The following AOAH variants were observed in gnomAD, a reference collection of about 807,000 sequenced individuals.
The protein encoded by AOAH is acyloxyacyl hydrolase (neutrophil).
In AOAH, 64 loss-of-function variants were observed where a neutral mutation model predicts 92.2. The observed-to-expected ratio is 0.69, with a 90% CI of 0.57 to 0.86. AOAH has a LOEUF of 0.86. Ranked by LOEUF, AOAH falls within the 40% of genes least tolerant of loss-of-function variation. The pLI is 0.00. For synonymous variants in AOAH, 263 were observed against 254.5 expected, an observed-to-expected ratio of 1.03 and a Z score of -0.32; for missense variants, 656 against 694.6, an observed-to-expected ratio of 0.94 and a Z score of 0.62.
intron 12 of AOAH, among the ~76,000 whole-genome samples, chr7:36,587,186 C>T (rs1340900711): frequency 6.7e-5 from 10 of 148,482 alleles, no homozygotes; most frequent in South Asian, 4.2e-4. Flanking sequence ...ACAGGAGAAT[C>T]GCTTGAACCC....
intron 16 of AOAH, among the ~76,000 whole-genome samples, chr7:36,536,922 C>T (rs1475634073): frequency 2.4e-5 from 3 of 123,000 alleles, no homozygotes; most frequent in African/African-American, 9.0e-5. Context: ...TGCATTCCAG[C>T]CTGGGTGACA....
At chr7:36,659,526 C>T (rs1002259921) in intron 3 of AOAH, among the ~76,000 whole-genome samples, 3 of 152,066 alleles carry the variant, frequency 2.0e-5, no homozygotes, top group African/African-American at 4.8e-5. Flanking sequence ...GCCTCTCACG[C>T]GAGTGCTGGG....
In AOAH at chr7:36,535,024, CTG is replaced by C. The variant is rs10669954; in HGVS notation, c.1307-2682_1307-2681del. Among the ~76,000 whole-genome samples the C allele has an allele frequency of 8.3e-5, 12 of 145,024 alleles. No individual in the cohort carries two copies. In the East Asian group the frequency reaches 1.6e-3, roughly 20 times the overall value. ...TGTGTGTATCTGTGTGTGTCTGTGT[CTG>C]TGTGTGTGTCTGTGTGTGTGTATGT... is the stretch of plus-strand genomic sequence containing the variant. On this transcript the variant is annotated intron_variant, in intron 16 of 20. Transcript: ENST00000617537.
At chr7:36,586,966 G>A (rs1012945770) in intron 12 of AOAH, among the ~76,000 whole-genome samples, 1 of 151,962 alleles carries the variant, frequency 6.6e-6, no homozygotes, top group Non-Finnish European at 1.5e-5. Flanking sequence ...TTTTGGTGAG[G>A]GTATATTAAG....
rs563752062 is a variant in AOAH, at chr7:36,547,902, G to A, written c.1133+710C>T. Among the ~76,000 whole-genome samples, 5 of 152,224 alleles carry A rather than the reference G, an allele frequency of 3.3e-5. No homozygotes were observed. In the South Asian group the frequency reaches 8.3e-4, roughly 25 times the overall value. On this transcript the variant is annotated intron_variant, in intron 15 of 20. Coordinates refer to ENST00000617537, the MANE Select transcript of AOAH (RefSeq NM_001637.4). Reference sequence around the variant, plus strand: ...CCGCAGTTTCTTTGCAAATGCTGTAGGTCTGTGCGTCTAAGCTGTCTCTTC... The same window carrying A: ...CCGCAGTTTCTTTGCAAATGCTGTAAGTCTGTGCGTCTAAGCTGTCTCTTC...
chr7:36,596,141 C>A (rs1023511161), intron 11 of AOAH, among the ~76,000 whole-genome samples: 16 of 151,706 alleles, frequency 1.1e-4, no homozygotes, highest in Admixed American at 8.5e-4. Flanking sequence ...ACATTATAGT[C>A]ATTTACAATG....
Position 36,614,497 on chromosome 7 carries a change from C to T in AOAH, c.846+1883G>A, listed in dbSNP as rs894432472. 3.3e-5 allele frequency among the ~76,000 whole-genome samples: 5 copies of T among 152,170 alleles called. No homozygotes were observed. Among genetic ancestry groups the T allele is most frequent in the East Asian group, 1.9e-4 (1 of 5,178 alleles). ...AGTGGGCCAACTGAGCATGTGTGAG[C>T]GAGGGGACTGGAAACGGGGTCGACT... On this transcript the variant is annotated intron_variant, in intron 11 of 20. Coordinates refer to ENST00000617537, the MANE Select transcript of AOAH (RefSeq NM_001637.4). This position sits in a 1 kb window ranked among gnomAD's most constrained non-coding sequence, Gnocchi z 4.2.
In AOAH at chr7:36,562,479, A is replaced by G. The variant is rs138943724; in HGVS notation, c.1022-13004T>C. On this transcript the variant is annotated intron_variant, in intron 13 of 20. Transcript: ENST00000617537. ...AAAGAGGTTTGACCTTGGAATAGGA[A>G]CATTTTATTTATTTGTCAAGATGGT... is the stretch of plus-strand genomic sequence containing the variant. Among the ~76,000 whole-genome samples, 416 of 152,322 alleles carry G rather than the reference A, an allele frequency of 2.7e-3. 1 individual carries two copies. The highest frequency in any genetic ancestry group is 8.3e-3 in the African/African-American group (346 of 41,574).
intron 9 of AOAH, among the ~76,000 whole-genome samples, chr7:36,619,449 C>T (rs1000006851): frequency 6.6e-6 from 1 of 152,174 alleles, no homozygotes; most frequent in Non-Finnish European, 1.5e-5. Context: ...TATCTGAGGC[C>T]TGGGTGGGAC....
At chr7:36,715,773 T>G (rs1204685561) in intron 1 of AOAH, among the ~76,000 whole-genome samples, 6 of 150,348 alleles carry the variant, frequency 4.0e-5, no homozygotes, top group African/African-American at 1.5e-4. Flanking sequence ...GCTAGCCATA[T>G]GTAGAAAGCT....
At chr7:36,647,448 T>C (rs1459410009) in intron 4 of AOAH, among the ~76,000 whole-genome samples, 1 of 152,248 alleles carries the variant, frequency 6.6e-6, no homozygotes, top group Non-Finnish European at 1.5e-5. Context: ...AGGGAATTAA[T>C]AAGCATGTTC....
chr7:36,684,039 T>A (rs2116749225), intron 2 of AOAH, among the ~76,000 whole-genome samples: 2 of 152,190 alleles, frequency 1.3e-5, no homozygotes, highest in East Asian at 3.9e-4. Context: ...CAATGAACAT[T>A]CCTAAGCATC....
chr7:36,616,778 G>A (rs934035019), intron 10 of AOAH, among the ~76,000 whole-genome samples: 7 of 152,128 alleles, frequency 4.6e-5, no homozygotes, highest in African/African-American at 7.2e-5. Context: ...TCTGAAATCC[G>A]AAATATACCC....
Position 36,594,371 on chromosome 7 carries a change from A to G in AOAH, c.906T>C (p.Ser302=), listed in dbSNP as rs1293432126. The G allele has an allele frequency of 1.2e-6, 2 of 1,613,984 alleles. No individual in the cohort carries two copies. Among genetic ancestry groups the G allele is most frequent in the Non-Finnish European group, 1.7e-6 (2 of 1,179,920 alleles). Residue 302 remains serine, a synonymous_variant, in exon 12 of 21, where the codon TCT becomes TCC. Coordinates refer to ENST00000617537, the MANE Select transcript of AOAH (RefSeq NM_001637.4). ...LTNELDWPQL[S]GATGFLDSTV... Reference sequence around the variant, plus strand: ...TGGAGTCCAGAAATCCTGTAGCACCAGAGAGTTGGGGCCAGTCAAGCTCGT... The same window carrying G: ...TGGAGTCCAGAAATCCTGTAGCACCGGAGAGTTGGGGCCAGTCAAGCTCGT...
intron 11 of AOAH, among the ~76,000 whole-genome samples, chr7:36,597,020 C>T (rs1442449951): frequency 6.6e-6 from 1 of 152,178 alleles, no homozygotes; most frequent in Non-Finnish European, 1.5e-5. Flanking sequence ...CCTCCTTCTT[C>T]AATTGCCTCC....
intron 4 of AOAH, among the ~76,000 whole-genome samples, chr7:36,650,380 A>G (rs1350533040): frequency 6.6e-6 from 1 of 152,178 alleles, no homozygotes; most frequent in Admixed American, 6.5e-5. Context: ...GGTAGAAATC[A>G]AGGAATGGTT....
At chr7:36,571,287 A>C (rs926390769) in intron 13 of AOAH, among the ~76,000 whole-genome samples, 12 of 152,032 alleles carry the variant, frequency 7.9e-5, no homozygotes, top group African/African-American at 2.7e-4. Flanking sequence ...CCGTTTGCTG[A>C]TGGTCTATCC....
At chr7:36,594,480 A>G (rs1789969744) in intron 11 of AOAH, 50 bp from the exon 12 acceptor site, 2 of 1,483,134 alleles carry the variant, frequency 1.3e-6, no homozygotes, top group Admixed American at 1.7e-5. Context: ...TTTATTTTCT[A>G]AAGGTAGTAA....
intron 5 of AOAH, among the ~76,000 whole-genome samples, chr7:36,633,833 A>G (rs1793326850): frequency 6.6e-6 from 1 of 152,112 alleles, no homozygotes; most frequent in Non-Finnish European, 1.5e-5. Flanking sequence ...CCTCGGTGCT[A>G]TTGCCATGTT....
Sources: gnomAD v4.1 joint callset for allele counts (sites outside exome capture counted in the v4.1 genomes callset) on GRCh38, gnomAD v4.1.1 for gene constraint, Gnocchi (gnomAD v3.1) non-coding constraint, MANE v1.5 for transcripts, NCBI Gene and HGNC (gene_info 2026-07-23, HGNC 2026-07-21) for gene names.